CYP11B1: variants seen among roughly 807,000 people sequenced by gnomAD.
CYP11B1 encodes the protein cytochrome P450 family 11 subfamily B member 1.
In CYP11B1, 34 loss-of-function variants were observed where a neutral mutation model predicts 48.3. The ratio of observed to expected loss-of-function variants is 0.70; its 90% CI spans 0.54 to 0.94. The LOEUF (loss-of-function observed/expected upper bound fraction) is 0.94. Ranked by LOEUF, CYP11B1 falls within the 40% of genes least tolerant of loss-of-function variation. The pLI is 0.00. For missense variants in CYP11B1, 688 were observed against 657.4 expected, an observed-to-expected ratio of 1.05 and a Z score of -0.51; for synonymous variants, 291 against 262.5, an observed-to-expected ratio of 1.11 and a Z score of -1.05.
At position 142,874,103 on chromosome 8, in the gene CYP11B1, A is replaced by C. The variant is rs1385518396; in HGVS notation, c.*270T>G. On this transcript the variant is annotated 3_prime_UTR_variant, in exon 9 of 9. Coordinates refer to ENST00000292427, the MANE Select transcript of CYP11B1 (RefSeq NM_000497.4). ...GCCAGCACTGGGAGGGATGGGGGCAAACTGCCCAGAGGACAGTGCTTGCTG... is the reference window on the plus strand; with the variant it reads ...GCCAGCACTGGGAGGGATGGGGGCACACTGCCCAGAGGACAGTGCTTGCTG... 1 of 525,716 alleles carries C rather than the reference A, an allele frequency of 1.9e-6. No homozygotes were observed. The highest frequency in any genetic ancestry group is 3.4e-5 in the East Asian group (1 of 29,258). The allele number at this position is 525,716 out of a possible 1,614,324, so 32.6% of individuals were successfully genotyped here. A position where few individuals can be genotyped will look rare whatever the true frequency, so the allele number is the denominator to read the frequency against.
At chr8:142,876,961 C>A in intron 3 of CYP11B1, 62 bp downstream of exon 3, 1 of 1,609,590 alleles carries the variant, frequency 6.2e-7, no homozygotes, top group Non-Finnish European at 8.5e-7. Context: ...CCTTCAGTCC[C>A]CCATCCCCGT....
chr8:142,874,523 G>C, intron 8 of CYP11B1, 37 bp from the exon 9 acceptor site: 1 of 1,395,170 alleles, frequency 7.2e-7, no homozygotes, highest in Non-Finnish European at 1.0e-6. Flanking sequence ...GGCTTGGTCC[G>C]CAGCCCATGC....
Position 142,875,094 on chromosome 8 carries a change from C to G in CYP11B1, c.1261G>C (p.Glu421Gln). 1.9e-6 allele frequency: 3 copies of G among 1,614,252 alleles called. No individual in the cohort carries two copies. The highest frequency in any genetic ancestry group is 1.1e-5 in the South Asian group (1 of 91,088). ...AGCCAGCGCTGGGGGTTATAGCGCTCAGGCCTCGGGAACAAGGCGGGGTTG... is the reference window on the plus strand; with the variant it reads ...AGCCAGCGCTGGGGGTTATAGCGCTGAGGCCTCGGGAACAAGGCGGGGTTG... Reference protein sequence around the residue: ...GRNPALFPRPERYNPQRWLDI... With the variant: ...GRNPALFPRPQRYNPQRWLDI... The change falls in exon 8 of 9, where the codon GAG (glutamate) becomes CAG (glutamine). Residue 421 changes from glutamate to glutamine, a missense_variant. By Grantham distance (29) the Glu-to-Gln change is conservative. Transcript: ENST00000292427.
Position 142,879,014 on chromosome 8 carries a change from T to G in CYP11B1, c.395+18A>C, listed in dbSNP as rs747249778. 8 of 1,613,888 alleles carry G rather than the reference T, an allele frequency of 5.0e-6. No individual in the cohort carries two copies. The highest frequency in any genetic ancestry group is 6.8e-6 in the Non-Finnish European group (8 of 1,179,958). ...CCAGGCTGCCCACCCTGCTCCCAGC[T>G]CTCAGCTCGCCGCTTACAGCAAGAA... On this transcript the variant is annotated intron_variant, in intron 2 of 8. Transcript: ENST00000292427.
In CYP11B1 at chr8:142,877,242, G is replaced by A. The variant is rs1434978511; in HGVS notation, c.396-20C>T. On this transcript the variant is annotated intron_variant, in intron 2 of 8. Transcript: ENST00000292427. ...CCATTCCTACAGAGGCCAGGGCAGA[G>A]CTTGTGAGGCCGCCCCAGCAAGACA... 4 of 1,596,866 alleles carry A rather than the reference G, an allele frequency of 2.5e-6. No homozygotes were observed. Among genetic ancestry groups the A allele is most frequent in the African/African-American group, 1.3e-5 (1 of 74,532 alleles).
intron 4 of CYP11B1, 76 bp downstream of exon 4, chr8:142,876,606 C>T (rs1586559106): frequency 6.4e-7 from 1 of 1,562,988 alleles, no homozygotes; most frequent in Admixed American, 1.9e-5. Context: ...CCATTCCCCA[C>T]TGGGTGGTGG....
intron 6 of CYP11B1, 80 bp downstream of exon 6, chr8:142,875,632 G>T: frequency 6.5e-7 from 1 of 1,535,178 alleles, no homozygotes; most frequent in Non-Finnish European, 8.9e-7. Context: ...ATCAGCCCCA[G>T]ATTCTGTCTG....
At position 142,876,293 on chromosome 8, in the gene CYP11B1, G is replaced by C. The variant is rs1398082976; in HGVS notation, c.902C>G (p.Pro301Arg). The C allele has an allele frequency of 6.2e-7, 1 of 1,613,338 alleles. No individual in the cohort carries two copies. Residue 301 changes from proline to arginine, a missense_variant, in exon 5 of 9, where the codon CCA (proline) becomes CGA (arginine). Transcript: ENST00000292427. ...CATAGAGTTGGCCTTGATGGCATCT[G>C]GCGACAGTTCCGCATTCAACAGGAG... ...AELLLNAELS[P>R]DAIKANSMEL...
At chr8:142,878,527 C>T (rs553789869) in intron 2 of CYP11B1, among the ~76,000 whole-genome samples, 1 of 152,342 alleles carries the variant, frequency 6.6e-6, no homozygotes, top group African/African-American at 2.4e-5. Context: ...ACAATGGAGC[C>T]ACCAGCCACC....
In CYP11B1 at chr8:142,878,886, G is replaced by A. The variant is rs541413859; in HGVS notation, c.395+146C>T. 1,325 of 1,261,188 alleles carry A rather than the reference G, an allele frequency of 1.1e-3. 10 individuals carry two copies. The African/African-American group carries it at 0.016, about 15-fold the overall frequency. The allele number at this position is 1,261,188 out of a possible 1,614,324, so 78.1% of individuals were successfully genotyped here. A position where few individuals can be genotyped will look rare whatever the true frequency, so the allele number is the denominator to read the frequency against. ...ACCCACAGGGCAGACACGACCCCAC[G>A]GAATGGCCGTCCTCTGGGTCGGGTG... On this transcript the variant is annotated intron_variant, in intron 2 of 8. Transcript: ENST00000292427.
chr8:142,874,044 C>T lies in CYP11B1; in HGVS notation c.*329G>A. 2.4e-6 allele frequency: 1 copy of T among 423,750 alleles called. No homozygotes were observed. Among genetic ancestry groups the T allele is most frequent in the East Asian group, 5.0e-5 (1 of 19,854 alleles). The allele number at this position is 423,750 out of a possible 1,614,324, so 26.2% of individuals were successfully genotyped here. A position where few individuals can be genotyped will look rare whatever the true frequency, so the allele number is the denominator to read the frequency against. ...GGCAGGAAGGCAAGGGACAAAACCA[C>T]AGCACCCTTGTATGGCCACACGAGG... On this transcript the variant is annotated 3_prime_UTR_variant, in exon 9 of 9. Transcript: ENST00000292427.
chr8:142,874,634 C>T, intron 8 of CYP11B1, 148 bp from the exon 9 acceptor site: 1 of 731,412 alleles, frequency 1.4e-6, no homozygotes, highest in Non-Finnish European at 2.5e-6. Context: ...CCAGCCCCAC[C>T]TTACAGCCCA....
In CYP11B1 at chr8:142,879,164, A is replaced by G. The variant is rs1817062027; in HGVS notation, c.263T>C (p.Met88Thr). The change falls in exon 2 of 9, where the codon ATG (methionine) becomes ACG (threonine). Residue 88 changes from methionine (M) to threonine (T), a missense_variant. Coordinates refer to ENST00000292427, the MANE Select transcript of CYP11B1 (RefSeq NM_000497.4). ...GTCCTCCGGCAGCATCACACACACC[A>G]TGCCTGCTCCTCCCAAGTCGTACCT... ...IFRYDLGGAG[M>T]VCVMLPEDVE... 1.9e-6 allele frequency: 3 copies of G among 1,613,598 alleles called. No homozygotes were observed. Among genetic ancestry groups the G allele is most frequent in the South Asian group, 1.1e-5 (1 of 91,062 alleles).
chr8:142,874,919 A>G (rs1586556947), intron 8 of CYP11B1, 38 bp downstream of exon 8: 1 of 1,608,396 alleles, frequency 6.2e-7, no homozygotes, highest in Non-Finnish European at 8.5e-7. Flanking sequence ...TGCTGCCCAG[A>G]CCCCGCCCAG....
rs1817011252 is a variant in CYP11B1, at chr8:142,877,914, G to A, written c.396-692C>T. On this transcript the variant is annotated intron_variant, in intron 2 of 8. Transcript: ENST00000292427. ...GTGATGGCAGGCAGAAGATGCACAT[G>A]CTCACATGCGCCCATGCAAGACCTC... 4 of 1,170,218 alleles carry A rather than the reference G, an allele frequency of 3.4e-6. No homozygotes were observed. In the East Asian group the frequency reaches 7.2e-5, roughly 21 times the overall value. The allele number at this position is 1,170,218 out of a possible 1,614,324, so 72.5% of individuals were successfully genotyped here. A position where few individuals can be genotyped will look rare whatever the true frequency, so the allele number is the denominator to read the frequency against.
At chr8:142,877,335 G>T in intron 2 of CYP11B1, 113 bp from the exon 3 acceptor site, 1 of 1,045,288 alleles carries the variant, frequency 9.6e-7, no homozygotes, top group Admixed American at 2.0e-5. Context: ...GCTGACTGGG[G>T]GCCCTGGTAG....
intron 1 of CYP11B1, 142 bp downstream of exon 1, chr8:142,879,433 C>T (rs776717925): frequency 1.2e-5 from 19 of 1,613,410 alleles, no homozygotes; most frequent in East Asian, 4.5e-5. Flanking sequence ...CAGACCAGCA[C>T]GTGCTGCACT....
At chr8:142,879,317 C>T in intron 1 of CYP11B1, 130 bp from the exon 2 acceptor site, 1 of 1,605,962 alleles carries the variant, frequency 6.2e-7, no homozygotes, top group South Asian at 1.1e-5. Context: ...AGCTAAAGCC[C>T]TCTTGCTGAC....
chr8:142,875,421 C>A, intron 6 of CYP11B1, 109 bp from the exon 7 acceptor site: 2 of 1,360,152 alleles, frequency 1.5e-6, no homozygotes, highest in Middle Eastern at 2.5e-4. Flanking sequence ...CCATGGGAAG[C>A]CCAGGTCGTA....
Sources: allele counts gnomAD v4.1 joint callset (sites outside exome capture counted in the v4.1 genomes callset), GRCh38; gene constraint gnomAD v4.1.1; transcripts MANE v1.5; gene names NCBI Gene and HGNC (gene_info 2026-07-23, HGNC 2026-07-21).